Variants in LOC400499 observed in about 807,000 individuals in gnomAD.
the LOC400499 span, among the ~76,000 whole-genome samples, chr16:11,416,777 C>T: frequency 1.3e-5 from 2 of 152,210 alleles, no homozygotes; most frequent in East Asian, 3.9e-4. Flanking sequence ...GAGACACATT[C>T]CAGGCAGCAG....
chr16:11,397,117 A>C, the LOC400499 span, among the ~76,000 whole-genome samples: 3 of 152,200 alleles, frequency 2.0e-5, no homozygotes, highest in African/African-American at 7.2e-5. Flanking sequence ...GCCACCCAGG[A>C]GGCCGGCACC....
chr16:11,462,536 T>A, the LOC400499 span: 9 of 612,850 alleles, frequency 1.5e-5, no homozygotes, highest in African/African-American at 1.8e-4. Flanking sequence ...TTCAAGTGAT[T>A]CTCCTGCCTC....
chr16:11,413,075 G>C, the LOC400499 span: 1 of 396,078 alleles, frequency 2.5e-6, no homozygotes, highest in Non-Finnish European at 4.5e-6. Context: ...GCCCAGCATG[G>C]CCTGGCTCAT....
chr16:11,432,750 A>G, the LOC400499 span, among the ~76,000 whole-genome samples: 1 of 152,188 alleles, frequency 6.6e-6, no homozygotes, highest in Admixed American at 6.5e-5. Flanking sequence ...TCAGCCATGC[A>G]TTTCGTGGTG....
chr16:11,436,471 G>C, the LOC400499 span, among the ~76,000 whole-genome samples: 1 of 152,224 alleles, frequency 6.6e-6, no homozygotes, highest in African/African-American at 2.4e-5. Flanking sequence ...CAGCTCCCAA[G>C]GGACGTGAGC....
chr16:11,448,080 C>A, the LOC400499 span: 1 of 1,533,630 alleles, frequency 6.5e-7, no homozygotes, highest in Non-Finnish European at 8.7e-7. Flanking sequence ...GGGGCTGCAA[C>A]AAGATCCAGG....
chr16:11,468,875 C>T, the LOC400499 span, among the ~76,000 whole-genome samples: 1 of 152,240 alleles, frequency 6.6e-6, no homozygotes, highest in Non-Finnish European at 1.5e-5. Flanking sequence ...GATCTGCCCG[C>T]TTCGACCTCC....
the LOC400499 span, among the ~76,000 whole-genome samples, chr16:11,517,715 C>G: frequency 6.6e-6 from 1 of 152,170 alleles, no homozygotes; most frequent in African/African-American, 2.4e-5. Flanking sequence ...CAGCCCCGTG[C>G]TCCTCCCGCC....
the LOC400499 span, among the ~76,000 whole-genome samples, chr16:11,398,988 G>C: frequency 6.6e-6 from 1 of 152,198 alleles, no homozygotes; most frequent in Non-Finnish European, 1.5e-5. Context: ...CCATGCCTAA[G>C]AGCCCCAGGA....
chr16:11,438,193 C>T, the LOC400499 span, among the ~76,000 whole-genome samples: 338 of 152,306 alleles, frequency 2.2e-3, no homozygotes, highest in African/African-American at 7.8e-3. Flanking sequence ...ATTTCACAGA[C>T]ATCAGCTCCT....
chr16:11,388,310 C>T, the LOC400499 span, among the ~76,000 whole-genome samples: 22 of 152,330 alleles, frequency 1.4e-4, no homozygotes, highest in African/African-American at 2.9e-4. Context: ...TTCCCTTCAT[C>T]AGCCTCCATT....
At chr16:11,495,338 G>A in the LOC400499 span, among the ~76,000 whole-genome samples, 1 of 151,964 alleles carries the variant, frequency 6.6e-6, no homozygotes, top group Admixed American at 6.6e-5. Context: ...TCAGGACACA[G>A]CTGCTCCCTG....
At chr16:11,431,621 G>T in the LOC400499 span, among the ~76,000 whole-genome samples, 7 of 152,160 alleles carry the variant, frequency 4.6e-5, no homozygotes, top group Non-Finnish European at 8.8e-5. Context: ...GCCCAGGCTG[G>T]TCTCGAACTC....
chr16:11,383,838 G>C, the LOC400499 span: 1 of 1,232,272 alleles, frequency 8.1e-7, no homozygotes, highest in Non-Finnish European at 1.0e-6. Context: ...ACCTAAGCTT[G>C]ATGAGACAAA....
chr16:11,377,619 A>C, the LOC400499 span, among the ~76,000 whole-genome samples: 1 of 152,330 alleles, frequency 6.6e-6, no homozygotes, highest in East Asian at 1.9e-4. Context: ...ATTGATTTTT[A>C]TATGGTAACC....
the LOC400499 span, among the ~76,000 whole-genome samples, chr16:11,425,791 C>T: frequency 1.3e-5 from 2 of 152,182 alleles, no homozygotes; most frequent in African/African-American, 4.8e-5. Context: ...ACATCACCAC[C>T]AATCTCATAC....
the LOC400499 span, among the ~76,000 whole-genome samples, chr16:11,496,220 C>T: frequency 6.6e-6 from 1 of 152,136 alleles, no homozygotes; most frequent in Non-Finnish European, 1.5e-5. Context: ...ATGTCTGCCA[C>T]CACGCCTGGC....
chr16:11,399,789 T>C, the LOC400499 span: 15 of 398,650 alleles, frequency 3.8e-5, no homozygotes, highest in African/African-American at 3.1e-4. Flanking sequence ...GCGTCGCAGG[T>C]TGTCCTCTGT....
the LOC400499 span, among the ~76,000 whole-genome samples, chr16:11,444,846 C>T: frequency 2.3e-4 from 35 of 151,904 alleles, no homozygotes; most frequent in Admixed American, 9.2e-4. Flanking sequence ...TTCTGGAGGC[C>T]AAGATGGGAG....
Sources: allele counts gnomAD v4.1 joint callset (sites outside exome capture counted in the v4.1 genomes callset), GRCh38; gene constraint gnomAD v4.1.1; transcripts MANE v1.5.